The following ADAMTS18 variants were observed in gnomAD, a reference collection of about 807,000 sequenced individuals.
ADAMTS18 encodes the protein A disintegrin and metalloproteinase with thrombospondin motifs 18.
In ADAMTS18, 157 loss-of-function variants were observed where a neutral mutation model predicts 165.9. That is an observed-to-expected ratio of 0.95 (90% CI 0.83 to 1.08). ADAMTS18 has a LOEUF of 1.08. Ranked by LOEUF, ADAMTS18 falls within the 50% of genes least tolerant of loss-of-function variation. The pLI is 0.00. For synonymous variants in ADAMTS18, 782 were observed against 578.2 expected, an observed-to-expected ratio of 1.35 and a Z score of -5.06; for missense variants, 2,040 against 1,534.0, an observed-to-expected ratio of 1.33 and a Z score of -5.51.
chr16:77,385,363 G>C (rs1164115707), intron 3 of ADAMTS18, among the ~76,000 whole-genome samples: 1 of 152,198 alleles, frequency 6.6e-6, no homozygotes, highest in Non-Finnish European at 1.5e-5. Flanking sequence ...GCTGAAAATA[G>C]TGACTTTCTG....
chr16:77,383,188 G>A (rs2057057120), intron 3 of ADAMTS18, among the ~76,000 whole-genome samples: 1 of 152,056 alleles, frequency 6.6e-6, no homozygotes, highest in African/African-American at 2.4e-5. Flanking sequence ...TCTCCCTGTT[G>A]ACAATCTCTC....
chr16:77,321,413 C>T (rs2055997001), intron 14 of ADAMTS18, among the ~76,000 whole-genome samples: 1 of 152,284 alleles, frequency 6.6e-6, no homozygotes, highest in African/African-American at 2.4e-5. Flanking sequence ...TATAACTCAT[C>T]TAAGGCTTAG....
intron 10 of ADAMTS18, among the ~76,000 whole-genome samples, chr16:77,343,569 G>A (rs1019652605): frequency 6.6e-6 from 1 of 152,170 alleles, no homozygotes; most frequent in Non-Finnish European, 1.5e-5. Context: ...TTCTGATGCT[G>A]TTGAACTTTT....
intron 11 of ADAMTS18, among the ~76,000 whole-genome samples, chr16:77,340,716 G>T (rs967369117): frequency 2.6e-5 from 4 of 152,064 alleles, no homozygotes; most frequent in African/African-American, 4.8e-5. Context: ...AAAGTGCTGG[G>T]ACTACAGGCA....
intron 3 of ADAMTS18, among the ~76,000 whole-genome samples, chr16:77,389,055 T>C (rs1231458923): frequency 6.6e-6 from 1 of 152,204 alleles, no homozygotes; most frequent in Non-Finnish European, 1.5e-5. Flanking sequence ...GTCCCAGTAC[T>C]TTGGGAGGCC....
chr16:77,400,339 T>G (rs980875152), intron 3 of ADAMTS18, among the ~76,000 whole-genome samples: 1 of 151,940 alleles, frequency 6.6e-6, no homozygotes, highest in Non-Finnish European at 1.5e-5. Flanking sequence ...CAGCCATCCT[T>G]TGGGGATGGA....
At chr16:77,406,117 C>T (rs1465088194) in intron 3 of ADAMTS18, among the ~76,000 whole-genome samples, 2 of 152,046 alleles carry the variant, frequency 1.3e-5, no homozygotes, top group African/African-American at 4.8e-5. Flanking sequence ...GATGTGAAAT[C>T]TTAAAAATTT....
chr16:77,378,097 G>A (rs935567380), intron 3 of ADAMTS18, among the ~76,000 whole-genome samples: 3 of 152,092 alleles, frequency 2.0e-5, no homozygotes, highest in Non-Finnish European at 2.9e-5. Context: ...TGAGTCTAAG[G>A]CAGGAGGATC....
At chr16:77,354,807 A>G (rs1012879765) in intron 9 of ADAMTS18, among the ~76,000 whole-genome samples, 3 of 152,256 alleles carry the variant, frequency 2.0e-5, no homozygotes, top group Admixed American at 2.0e-4. Flanking sequence ...GCATTTAACT[A>G]CATACTAACG....
chr16:77,365,785 C>T (rs2056784840), intron 4 of ADAMTS18, among the ~76,000 whole-genome samples: 1 of 152,224 alleles, frequency 6.6e-6, no homozygotes. Context: ...AATAGTGAAA[C>T]TAGCTCCCTA....
Position 77,367,483 on chromosome 16 carries a change from G to A in ADAMTS18, c.736C>T (p.Arg246Ter), listed in dbSNP as rs2056812732. The A allele has an allele frequency of 3.7e-6, 6 of 1,614,072 alleles. No individual in the cohort carries two copies. The highest frequency in any genetic ancestry group is 1.6e-4 in the Middle Eastern group (1 of 6,082). ...SQSRETEYHH[R>*]RLQKQHFCGR... is the part of the protein sequence containing the mutation. ...CAAAAATGCTGCTTTTGCAACCTTCGATGGTGATACTCTGTCTCTCGACTC... is the reference window on the plus strand; with the variant it reads ...CAAAAATGCTGCTTTTGCAACCTTCAATGGTGATACTCTGTCTCTCGACTC... The change falls in exon 4 of 23, where the codon CGA (arginine) becomes TGA (stop). Residue 246 changes from arginine to a stop codon, truncating the protein, a stop_gained. Coordinates refer to ENST00000282849, the MANE Select transcript of ADAMTS18 (RefSeq NM_199355.4). LOFTEE classifies it high-confidence loss of function.
intron 17 of ADAMTS18, among the ~76,000 whole-genome samples, chr16:77,299,008 A>G (rs904388177): frequency 6.6e-6 from 1 of 152,232 alleles, no homozygotes; most frequent in Non-Finnish European, 1.5e-5. Context: ...GTAAGTGGAA[A>G]GCAAATCAAA....
At chr16:77,372,177 A>G (rs2056885769) in intron 3 of ADAMTS18, among the ~76,000 whole-genome samples, 1 of 152,194 alleles carries the variant, frequency 6.6e-6, no homozygotes, top group South Asian at 2.1e-4. Context: ...AGGAATGTAA[A>G]TTAGTATAGC....
At chr16:77,307,332 C>A (rs948050898) in intron 16 of ADAMTS18, among the ~76,000 whole-genome samples, 2 of 152,138 alleles carry the variant, frequency 1.3e-5, no homozygotes, top group Non-Finnish European at 2.9e-5. Flanking sequence ...TTATTTGCTT[C>A]AAAGCTGGAA....
At chr16:77,391,917 A>G (rs575951436) in intron 3 of ADAMTS18, among the ~76,000 whole-genome samples, 6 of 152,310 alleles carry the variant, frequency 3.9e-5, no homozygotes, top group Admixed American at 3.9e-4. Context: ...GGTGAAACAG[A>G]CAGAGGTGCT....
chr16:77,394,307 A>C (rs1377300712), intron 3 of ADAMTS18, among the ~76,000 whole-genome samples: 2 of 152,200 alleles, frequency 1.3e-5, no homozygotes, highest in African/African-American at 4.8e-5. Flanking sequence ...AATAAGACCT[A>C]GTTTTAATTT....
intron 3 of ADAMTS18, among the ~76,000 whole-genome samples, chr16:77,380,322 T>C (rs2057013078): frequency 6.6e-6 from 1 of 152,234 alleles, no homozygotes; most frequent in Non-Finnish European, 1.5e-5. Flanking sequence ...TCTTAATAGA[T>C]ATTAATAACA....
chr16:77,405,185 T>A (rs1432177961), intron 3 of ADAMTS18, among the ~76,000 whole-genome samples: 1 of 152,152 alleles, frequency 6.6e-6, no homozygotes. Context: ...CTCAGACACA[T>A]GTTGACAGCT....
intron 16 of ADAMTS18, among the ~76,000 whole-genome samples, chr16:77,319,310 G>T (rs1361674973): frequency 2.0e-5 from 3 of 152,176 alleles, no homozygotes; most frequent in African/African-American, 7.2e-5. Flanking sequence ...GCATATTGGT[G>T]AAAGGTTGAC....
Sources: allele counts gnomAD v4.1 joint callset (sites outside exome capture counted in the v4.1 genomes callset), GRCh38; gene constraint gnomAD v4.1.1; transcripts MANE v1.5; gene names NCBI Gene and HGNC (gene_info 2026-07-23, HGNC 2026-07-21).